The following YME1L1 variants were observed in gnomAD, a reference collection of about 807,000 sequenced individuals.
YME1L1 encodes YME1 like 1 ATPase, also known as ATP-dependent zinc metalloprotease YME1L1.
Under a neutral mutation model 90.4 loss-of-function variants are expected in YME1L1, and 39 were observed. That is an observed-to-expected ratio of 0.43 (90% CI 0.33 to 0.56). YME1L1 has a LOEUF of 0.56. Among genes scored for constraint, YME1L1 ranks in the 20% least tolerant of loss-of-function variants. The pLI, the probability that YME1L1 is intolerant of heterozygous loss-of-function variation, is 0.03. For synonymous variants in YME1L1, 284 were observed against 287.3 expected (o/e 0.99, Z 0.12); for missense variants, 617 against 868.4 (o/e 0.71, Z 3.64).
At chr10:27,134,791 G>A in intron 6 of YME1L1, 40 bp downstream of exon 6, 2 of 1,603,236 alleles carry the variant, frequency 1.2e-6, no homozygotes, top group African/African-American at 1.3e-5. Flanking sequence ...CTTCCTTTCA[G>A]TTACTCTTCT....
intron 15 of YME1L1, among the ~76,000 whole-genome samples, chr10:27,116,856 C>A (rs2056818290): frequency 6.6e-6 from 1 of 151,308 alleles, no homozygotes; most frequent in Admixed American, 6.6e-5. Context: ...CGCGAGACTC[C>A]ATCAATATAA....
At chr10:27,125,561 G>T (rs909413300) in intron 9 of YME1L1, among the ~76,000 whole-genome samples, 4 of 151,198 alleles carry the variant, frequency 2.6e-5, no homozygotes, top group Non-Finnish European at 4.4e-5. Flanking sequence ...ACACTACAAA[G>T]GATACTATTG....
At chr10:27,141,245 A>G (rs189974649) in intron 4 of YME1L1, among the ~76,000 whole-genome samples, 2 of 152,228 alleles carry the variant, frequency 1.3e-5, no homozygotes, top group East Asian at 3.9e-4. Context: ...AAAATACAAA[A>G]ATTAGCTGGG....
intron 7 of YME1L1, among the ~76,000 whole-genome samples, chr10:27,133,711 G>C (rs886434261): frequency 1.3e-5 from 2 of 152,052 alleles, no homozygotes; most frequent in Non-Finnish European, 2.9e-5. Context: ...CATTTAATGT[G>C]ATTTTATGAA....
At chr10:27,133,576 C>A (rs1286388411) in intron 7 of YME1L1, among the ~76,000 whole-genome samples, 16 of 151,968 alleles carry the variant, frequency 1.1e-4, no homozygotes, top group African/African-American at 3.9e-4. Context: ...CTGTACATAT[C>A]CTTAATATTT....
chr10:27,123,134 A>G (rs1588589238), intron 10 of YME1L1, among the ~76,000 whole-genome samples, 161 bp from the exon 11 acceptor site: 1 of 151,484 alleles, frequency 6.6e-6, no homozygotes, highest in Non-Finnish European at 1.5e-5. Flanking sequence ...TAGTATCTTC[A>G]GGGGGGAAAA....
In YME1L1 at chr10:27,126,732, G is replaced by T; in HGVS notation, c.913C>A (p.Gln305Lys). 1 of 1,583,340 alleles carries T rather than the reference G, an allele frequency of 6.3e-7. No individual in the cohort carries two copies. Among genetic ancestry groups the T allele is most frequent in the East Asian group, 2.3e-5 (1 of 43,124 alleles). Residue 305 changes from glutamine (Q) to lysine (K), a missense_variant, in exon 9 of 19, where the codon CAA (glutamine) becomes AAA (lysine). Around this residue, in one of 4 missense-constraint regions of YME1L1, gnomAD observed 93 missense variants for 184.8 expected, o/e 0.50. Coordinates refer to ENST00000376016, the MANE Select transcript of YME1L1 (RefSeq NM_014263.4). Reference protein sequence around the residue: ...QEVVEFLKNPQKFTILGGKLP... With the variant: ...QEVVEFLKNPKKFTILGGKLP... ...TTACCTCCAAGAATAGTAAATTTTT[G>T]TGGATTTTTCAAGAATTCAACAACT...
At chr10:27,153,452 C>G (rs146889924) in intron 1 of YME1L1, among the ~76,000 whole-genome samples, 2 of 152,034 alleles carry the variant, frequency 1.3e-5, no homozygotes, top group Non-Finnish European at 2.9e-5. Context: ...TAGGAACTCT[C>G]AAAAAATCTA....
At chr10:27,125,045 A>C (rs2056903245) in intron 9 of YME1L1, among the ~76,000 whole-genome samples, 1 of 152,204 alleles carries the variant, frequency 6.6e-6, no homozygotes, top group Admixed American at 6.6e-5. Flanking sequence ...AATTTCATAC[A>C]CTGCTGTATT....
chr10:27,148,762 A>T, intron 2 of YME1L1, 144 bp downstream of exon 2: 1 of 893,490 alleles, frequency 1.1e-6, no homozygotes, highest in African/African-American at 1.9e-5. Context: ...ATAGTAGGGT[A>T]TTAGTAGTTA....
intron 4 of YME1L1, among the ~76,000 whole-genome samples, chr10:27,141,464 A>G (rs2057086063): frequency 6.6e-6 from 1 of 152,198 alleles, no homozygotes; most frequent in Non-Finnish European, 1.5e-5. Flanking sequence ...CTTAGAATAT[A>G]AAACATGGAC....
At chr10:27,146,092 A>C (rs1564468568) in intron 2 of YME1L1, 1 of 151,930 alleles carries the variant, frequency 6.6e-6, no homozygotes. Flanking sequence ...ACAGTGTAGA[A>C]CTGATTGGAG....
chr10:27,120,378 G>C, intron 13 of YME1L1, 57 bp downstream of exon 13: 1 of 1,228,982 alleles, frequency 8.1e-7, no homozygotes, highest in Non-Finnish European at 1.2e-6. Flanking sequence ...ACCACAAACA[G>C]GGTGAGTGGT....
chr10:27,129,302 C>T (rs1202386316), intron 8 of YME1L1: 1 of 152,104 alleles, frequency 6.6e-6, no homozygotes, highest in Non-Finnish European at 1.5e-5. Context: ...ACTGCACCAA[C>T]CTCTTCCTCA....
chr10:27,147,539 T>G, intron 2 of YME1L1: 1 of 1,612,282 alleles, frequency 6.2e-7, no homozygotes, highest in Non-Finnish European at 8.5e-7. Flanking sequence ...ATGTGCCAGT[T>G]ATCGGTTGTG....
At chr10:27,127,991 GA>G (rs1402975647) in intron 8 of YME1L1, among the ~76,000 whole-genome samples, 1 of 152,110 alleles carries the variant, frequency 6.6e-6, no homozygotes, top group Non-Finnish European at 1.5e-5. Flanking sequence ...GAATAAAGAA[GA>G]GATTAAACAT....
chr10:27,130,903 G>A (rs1023918734), intron 8 of YME1L1, among the ~76,000 whole-genome samples: 3 of 152,136 alleles, frequency 2.0e-5, no homozygotes, highest in Admixed American at 1.3e-4. Context: ...CCTTCTAATT[G>A]CTGAGACCAA....
At position 27,132,249 on chromosome 10, in the gene YME1L1, C is replaced by T. The variant is rs555139602; in HGVS notation, c.776-308G>A. On this transcript the variant is annotated intron_variant, in intron 7 of 18. Coordinates refer to ENST00000376016, the MANE Select transcript of YME1L1 (RefSeq NM_014263.4). ...CCAAGTAGCTGGGATTACAGGCATGCGCCACCAAACCCGGCTAATTTTGTA... is the reference window on the plus strand; with the variant it reads ...CCAAGTAGCTGGGATTACAGGCATGTGCCACCAAACCCGGCTAATTTTGTA... Among the ~76,000 whole-genome samples, 49 of 152,036 alleles carry T rather than the reference C, an allele frequency of 3.2e-4. No individual in the cohort carries two copies. In the South Asian group the frequency reaches 4.8e-3, roughly 15 times the overall value.
chr10:27,119,021 A>G (rs894832018), intron 14 of YME1L1, among the ~76,000 whole-genome samples: 3 of 152,248 alleles, frequency 2.0e-5, no homozygotes, highest in African/African-American at 7.2e-5. Flanking sequence ...AGACAAAACT[A>G]ATAAATGTGG....
Sources: gnomAD v4.1 joint callset for allele counts (sites outside exome capture counted in the v4.1 genomes callset) on GRCh38, gnomAD v4.1.1 for gene constraint, gnomAD v4.1.1 regional missense constraint, MANE v1.5 for transcripts, NCBI Gene and HGNC (gene_info 2026-07-23, HGNC 2026-07-21) for gene names.